SGCZ: variants seen among roughly 807,000 people sequenced by gnomAD.
SGCZ encodes the protein sarcoglycan zeta.
In SGCZ, 40 loss-of-function variants were observed where a neutral mutation model predicts 41.3. The ratio of observed to expected loss-of-function variants is 0.97; its 90% confidence interval spans 0.75 to 1.26. The LOEUF is 1.26. Among genes scored for constraint, SGCZ ranks in the 50% most tolerant of loss-of-function variants. The pLI, the probability that SGCZ is intolerant of heterozygous loss-of-function variation, is 0.00. For synonymous variants in SGCZ, 206 were observed against 137.5 expected (o/e 1.50, Z -3.49); for missense variants, 552 against 369.8 (o/e 1.49, Z -4.04).
chr8:14,208,542 A>G (rs1259955794), intron 4 of SGCZ, among the ~76,000 whole-genome samples: 3 of 152,216 alleles, frequency 2.0e-5, no homozygotes, highest in African/African-American at 7.2e-5. Flanking sequence ...ACACAAAGAT[A>G]TGTTCCTATC....
intron 1 of SGCZ, among the ~76,000 whole-genome samples, chr8:14,901,263 T>G (rs1480327952): frequency 6.6e-6 from 1 of 152,170 alleles, no homozygotes; most frequent in African/African-American, 2.4e-5. Context: ...TAAAATCCTG[T>G]GATGACTCAC....
chr8:14,137,761 A>G (rs939310520), intron 5 of SGCZ, among the ~76,000 whole-genome samples: 5 of 152,212 alleles, frequency 3.3e-5, no homozygotes, highest in African/African-American at 1.2e-4. Flanking sequence ...ACTCTTCAGG[A>G]TATTATCCAG....
At chr8:14,639,033 G>A (rs1244537945) in intron 1 of SGCZ, among the ~76,000 whole-genome samples, 1 of 128,146 alleles carries the variant, frequency 7.8e-6, no homozygotes, top group Non-Finnish European at 1.6e-5. Flanking sequence ...CTAAGAAACT[G>A]GAATCTTTTT....
At chr8:14,585,227 C>T (rs193018525) in intron 1 of SGCZ, among the ~76,000 whole-genome samples, 3 of 152,180 alleles carry the variant, frequency 2.0e-5, no homozygotes, top group Admixed American at 2.0e-4. Context: ...TCTTCTGGTT[C>T]TCTAGTTATT....
chr8:14,906,459 T>C (rs1333583267), intron 1 of SGCZ, among the ~76,000 whole-genome samples: 28 of 152,288 alleles, frequency 1.8e-4, no homozygotes, highest in Admixed American at 1.7e-3. Flanking sequence ...TCAACTTCTG[T>C]AGTGATATGG....
intron 3 of SGCZ, among the ~76,000 whole-genome samples, chr8:14,268,790 T>A (rs909903046): frequency 6.6e-6 from 1 of 151,988 alleles, no homozygotes; most frequent in Admixed American, 6.6e-5. Context: ...AAAAATCTAG[T>A]TACATATTTA....
chr8:15,028,942 G>A (rs1447601342), intron 1 of SGCZ, among the ~76,000 whole-genome samples: 1 of 151,966 alleles, frequency 6.6e-6, no homozygotes, highest in East Asian at 1.9e-4. Flanking sequence ...CAAGTTTTGT[G>A]AATGAATATA....
At chr8:14,566,069 G>T (rs1440759654) in intron 1 of SGCZ, among the ~76,000 whole-genome samples, 1 of 152,120 alleles carries the variant, frequency 6.6e-6, no homozygotes, top group Non-Finnish European at 1.5e-5. Context: ...AATTCACAAT[G>T]AATATGTTTT....
In SGCZ at chr8:14,628,761, C is replaced by T. The variant is rs534045589; in HGVS notation, c.40-73835G>A. Among the ~76,000 whole-genome samples the T allele has an allele frequency of 6.6e-5, 10 of 152,220 alleles. No individual in the cohort carries two copies. In the South Asian group the frequency reaches 1.2e-3, roughly 19 times the overall value. On this transcript the variant is annotated intron_variant, in intron 1 of 7. Transcript: ENST00000382080. ...TAAAAATTGAAAATGTCTGCTTTCACATCAAGGTCATTTATCTTTCCTGTA... is the reference window on the plus strand; with the variant it reads ...TAAAAATTGAAAATGTCTGCTTTCATATCAAGGTCATTTATCTTTCCTGTA...
At chr8:14,831,926 C>T (rs950962204) in intron 1 of SGCZ, among the ~76,000 whole-genome samples, 6 of 151,512 alleles carry the variant, frequency 4.0e-5, no homozygotes, top group Non-Finnish European at 7.4e-5. Context: ...ACAGTACATA[C>T]ACCTAATTCC....
chr8:14,403,785 A>G (rs1238716523), intron 2 of SGCZ, among the ~76,000 whole-genome samples: 1 of 152,162 alleles, frequency 6.6e-6, no homozygotes, highest in Non-Finnish European at 1.5e-5. Flanking sequence ...TATACATGCA[A>G]TATTTATATA....
At chr8:15,196,836 G>A (rs1004003580) in intron 1 of SGCZ, among the ~76,000 whole-genome samples, 1 of 152,188 alleles carries the variant, frequency 6.6e-6, no homozygotes, top group Admixed American at 6.5e-5. Flanking sequence ...GCTCACTCAT[G>A]TAGCCGCATT....
chr8:14,603,383 A>C (rs186714054), intron 1 of SGCZ, among the ~76,000 whole-genome samples: 23 of 152,276 alleles, frequency 1.5e-4, no homozygotes, highest in South Asian at 4.1e-4. Flanking sequence ...AAAAAAGGCT[A>C]TTCAAAATGC....
chr8:14,542,014 G>A (rs951856399), intron 2 of SGCZ, among the ~76,000 whole-genome samples: 2 of 152,020 alleles, frequency 1.3e-5, no homozygotes, highest in African/African-American at 2.4e-5. Context: ...TAGGTTCCTT[G>A]TAGATTCTGG....
At chr8:14,425,941 G>C (rs182655561) in intron 2 of SGCZ, among the ~76,000 whole-genome samples, 1 of 152,224 alleles carries the variant, frequency 6.6e-6, no homozygotes, top group East Asian at 1.9e-4. Context: ...AGCTAAAGAA[G>C]TCAAATGAAT....
rs187132166 is a variant in SGCZ at position 14,287,611 on chromosome 8, C to G, written c.336+36492G>C. Among the ~76,000 whole-genome samples, 280 of 152,176 alleles carry G rather than the reference C, an allele frequency of 1.8e-3. 2 individuals are homozygous for G. The highest frequency in any genetic ancestry group is 2.7e-3 in the Non-Finnish European group (185 of 67,976). On this transcript the variant is annotated intron_variant, in intron 3 of 7. Coordinates refer to ENST00000382080, the MANE Select transcript of SGCZ (RefSeq NM_139167.4). ...GCATTGCCATCTAAACATTATAGTACTAATGAGATAAGAACTCTTTGACAT... is the reference window on the plus strand; with the variant it reads ...GCATTGCCATCTAAACATTATAGTAGTAATGAGATAAGAACTCTTTGACAT...
chr8:14,448,676 A>G (rs1007773725), intron 2 of SGCZ, among the ~76,000 whole-genome samples: 6 of 141,978 alleles, frequency 4.2e-5, no homozygotes. Flanking sequence ...CAGTTCATAA[A>G]TGTTCTTAGA....
chr8:14,858,358 A>G (rs1474027751), intron 1 of SGCZ, among the ~76,000 whole-genome samples: 1 of 152,116 alleles, frequency 6.6e-6, no homozygotes, highest in Non-Finnish European at 1.5e-5. Context: ...GAAGAGTAAC[A>G]TTGTTTGACG....
chr8:14,780,021 C>A (rs996015035), intron 1 of SGCZ, among the ~76,000 whole-genome samples: 2 of 152,138 alleles, frequency 1.3e-5, no homozygotes, highest in African/African-American at 4.8e-5. Context: ...GAGTGCCTTT[C>A]TAACTTCCCT....
Sources: gnomAD v4.1 joint callset for allele counts (sites outside exome capture counted in the v4.1 genomes callset) on GRCh38, gnomAD v4.1.1 for gene constraint, MANE v1.5 for transcripts, NCBI Gene and HGNC (gene_info 2026-07-23, HGNC 2026-07-21) for gene names.